Variants in ST3GAL4 observed in about 807,000 individuals in gnomAD.
The protein encoded by ST3GAL4 is CMP-N-acetylneuraminate-beta-galactosamide-alpha-2,3-sialyltransferase 4.
Under a neutral mutation model 42.6 loss-of-function variants are expected in ST3GAL4, and 24 were observed. The observed-to-expected ratio is 0.56, with a 90% confidence interval of 0.41 to 0.79. The LOEUF (loss-of-function observed/expected upper bound fraction) is 0.79. Ranked by LOEUF, ST3GAL4 falls within the 30% of genes least tolerant of loss-of-function variation. The pLI is 0.00. For missense variants in ST3GAL4, 311 were observed against 430.8 expected (o/e 0.72, Z 2.46); for synonymous variants, 135 against 163.2 (o/e 0.83, Z 1.32).
chr11:126,404,592 G>A (rs1954146653), intron 1 of ST3GAL4, among the ~76,000 whole-genome samples: 1 of 152,184 alleles, frequency 6.6e-6, no homozygotes. Flanking sequence ...GTGAGGGGTA[G>A]GTAAGGCACG....
Position 126,413,523 on chromosome 11 carries a change from T to G in ST3GAL4, c.790T>G (p.Leu264Val). Reference protein sequence around the residue: ...KIKQKPTTGLLAITLALHLCD... With the variant: ...KIKQKPTTGLVAITLALHLCD... ...TCCTCAGAAGCCCACCACGGGCCTG[T>G]TGGCCATCACGCTGGCCCTCCACCT... Residue 264 changes from leucine (L) to valine (V), a missense_variant, in exon 10 of 11, where the codon TTG (leucine) becomes GTG (valine). Leu to Val is a conservative substitution (Grantham distance 32). Coordinates refer to ENST00000444328, the MANE Select transcript of ST3GAL4 (RefSeq NM_001254757.2). 6.2e-7 allele frequency: 1 copy of G among 1,614,180 alleles called. No individual in the cohort carries two copies. The highest frequency in any genetic ancestry group is 2.2e-5 in the East Asian group (1 of 44,880).
chr11:126,387,075 G>A (rs1242496746), intron 1 of ST3GAL4, among the ~76,000 whole-genome samples: 5 of 152,200 alleles, frequency 3.3e-5, no homozygotes, highest in Non-Finnish European at 5.9e-5. Flanking sequence ...GACACAAGGA[G>A]GGCAAGTAGG....
intron 1 of ST3GAL4, chr11:126,403,372 G>A (rs1954093428): frequency 1.0e-6 from 1 of 981,954 alleles, no homozygotes; most frequent in African/African-American, 1.7e-5. Flanking sequence ...GACGCCAAAG[G>A]TTTTTCCCTG....
chr11:126,399,019 C>T (rs971856717), intron 1 of ST3GAL4, among the ~76,000 whole-genome samples: 1 of 152,210 alleles, frequency 6.6e-6, no homozygotes, highest in Admixed American at 6.5e-5. Context: ...GTCATCTCTG[C>T]AGTACCTTTG....
At chr11:126,402,935 G>C (rs987453678) in intron 1 of ST3GAL4, among the ~76,000 whole-genome samples, 2 of 152,170 alleles carry the variant, frequency 1.3e-5, no homozygotes, top group African/African-American at 2.4e-5. Context: ...CTGGCCTCTT[G>C]GTGAGAGGCT....
chr11:126,408,584 C>A, intron 8 of ST3GAL4, 88 bp downstream of exon 8: 1 of 1,483,926 alleles, frequency 6.7e-7, no homozygotes, highest in Non-Finnish European at 9.2e-7. Context: ...GTCCGCCTGG[C>A]AGTCCTAAAG....
intron 1 of ST3GAL4, among the ~76,000 whole-genome samples, chr11:126,364,829 A>T (rs1157759466): frequency 1.3e-5 from 2 of 151,342 alleles, no homozygotes; most frequent in Non-Finnish European, 2.9e-5. Flanking sequence ...CCCCCATCAG[A>T]GGGCCTGTGG....
chr11:126,413,164 G>C (rs1476683547), intron 9 of ST3GAL4, among the ~76,000 whole-genome samples: 1 of 152,094 alleles, frequency 6.6e-6, no homozygotes, highest in African/African-American at 2.4e-5. Flanking sequence ...GCTCTTCACA[G>C]GTGCATTCTT....
Position 126,376,330 on chromosome 11 carries a change from G to A in ST3GAL4, c.-61+20488G>A, listed in dbSNP as rs1173821757. Reference sequence around the variant, plus strand: ...TAAAGAGTTTATTTGTGTAAGAAGTGAATTGGGAAACAGAAAACCGAAAGA... The same window carrying A: ...TAAAGAGTTTATTTGTGTAAGAAGTAAATTGGGAAACAGAAAACCGAAAGA... On this transcript the variant is annotated intron_variant, in intron 1 of 10. Coordinates refer to ENST00000444328, the MANE Select transcript of ST3GAL4 (RefSeq NM_001254757.2). This position sits in a 1 kb window ranked among gnomAD's most constrained non-coding sequence, Gnocchi z 5.1. Among the ~76,000 whole-genome samples the A allele has an allele frequency of 6.6e-6, 1 of 152,206 alleles. No homozygotes were observed. The highest frequency in any genetic ancestry group is 1.5e-5 in the Non-Finnish European group (1 of 68,038).
intron 1 of ST3GAL4, among the ~76,000 whole-genome samples, chr11:126,405,008 T>C (rs1021682236): frequency 1.3e-5 from 2 of 152,246 alleles, no homozygotes; most frequent in Non-Finnish European, 2.9e-5. Flanking sequence ...CTTGCCTCCC[T>C]TTCCTGATCA....
Position 126,414,025 on chromosome 11 carries a change from T to C in ST3GAL4, c.980T>C (p.Ile327Thr). 6.2e-7 allele frequency: 1 copy of C among 1,614,244 alleles called. No individual in the cohort carries two copies. The highest frequency in any genetic ancestry group is 2.2e-5 in the East Asian group (1 of 44,878). Residue 327 changes from isoleucine (I) to threonine (T), a missense_variant, in exon 11 of 11, where the codon ATC becomes ACC. Coordinates refer to ENST00000444328, the MANE Select transcript of ST3GAL4 (RefSeq NM_001254757.2). ...AAGCGGATGCTGGAGATGGGAGCTA[T>C]CAAGAACCTCACGTCCTTCTGACCT... is the stretch of plus-strand genomic sequence containing the variant. ...AIKRMLEMGA[I>T]KNLTSF
At chr11:126,380,970 G>T (rs1952978119) in intron 1 of ST3GAL4, among the ~76,000 whole-genome samples, 1 of 152,212 alleles carries the variant, frequency 6.6e-6, no homozygotes. Context: ...GTACATGCGT[G>T]CCTGGAAGTG....
intron 1 of ST3GAL4, among the ~76,000 whole-genome samples, chr11:126,358,863 T>G (rs528803320): frequency 6.6e-6 from 1 of 152,204 alleles, no homozygotes; most frequent in Admixed American, 6.5e-5. Flanking sequence ...TGGGTGCCAC[T>G]GCTGGCCCAG....
At position 126,366,267 on chromosome 11, in the gene ST3GAL4, A is replaced by C. The variant is rs1206212610; in HGVS notation, c.-61+10425A>C. ...CAGCTGCTGTAGCTGAGCCCGGCCC[A>C]CGGCCAGCCCTGAGGAATGGAGGAA... On this transcript the variant is annotated intron_variant, in intron 1 of 10. Coordinates refer to ENST00000444328, the MANE Select transcript of ST3GAL4 (RefSeq NM_001254757.2). This position sits in a 1 kb window ranked among gnomAD's most constrained non-coding sequence, Gnocchi z 4.2. Among the ~76,000 whole-genome samples, 17 of 152,108 alleles carry C rather than the reference A, an allele frequency of 1.1e-4. No individual in the cohort carries two copies. Among genetic ancestry groups the C allele is most frequent in the South Asian group, 2.1e-4 (1 of 4,838 alleles).
rs1356111575 is a variant in ST3GAL4 at position 126,400,355 on chromosome 11, C to T, written c.-60-5741C>T. 6.6e-6 allele frequency among the ~76,000 whole-genome samples: 1 copy of T among 152,222 alleles called. No individual in the cohort carries two copies. Among genetic ancestry groups the T allele is most frequent in the East Asian group, 1.9e-4 (1 of 5,194 alleles). ...CATTAACCCATCCATGAGAGCAGAGCCCCATGATCTAAACACCTTTTATTA... is the reference window on the plus strand; with the variant it reads ...CATTAACCCATCCATGAGAGCAGAGTCCCATGATCTAAACACCTTTTATTA... On this transcript the variant is annotated intron_variant, in intron 1 of 10. Coordinates refer to ENST00000444328, the MANE Select transcript of ST3GAL4 (RefSeq NM_001254757.2). This position sits in a 1 kb window ranked among gnomAD's most constrained non-coding sequence, Gnocchi z 4.6.
intron 1 of ST3GAL4, among the ~76,000 whole-genome samples, chr11:126,405,007 C>T (rs1468906955): frequency 6.6e-6 from 1 of 152,250 alleles, no homozygotes; most frequent in Non-Finnish European, 1.5e-5. Flanking sequence ...GCTTGCCTCC[C>T]TTTCCTGATC....
Position 126,406,335 on chromosome 11 carries a change from C to T in ST3GAL4, c.17-138C>T, listed in dbSNP as rs1278100510. 7 of 1,542,622 alleles carry T rather than the reference C, an allele frequency of 4.5e-6. No individual in the cohort carries two copies. Among genetic ancestry groups the T allele is most frequent in the Non-Finnish European group, 5.2e-6 (6 of 1,143,524 alleles). ...GGTACAATCAGGGTCAAGCCCTCAGCCAGGGCCAGGAGAGGGCCAGAGACT... is the reference window on the plus strand; with the variant it reads ...GGTACAATCAGGGTCAAGCCCTCAGTCAGGGCCAGGAGAGGGCCAGAGACT... On this transcript the variant is annotated intron_variant, in intron 2 of 10. Coordinates refer to ENST00000444328, the MANE Select transcript of ST3GAL4 (RefSeq NM_001254757.2). This position sits in a 1 kb window ranked among gnomAD's most constrained non-coding sequence, Gnocchi z 5.4.
intron 9 of ST3GAL4, 54 bp from the exon 10 acceptor site, chr11:126,413,451 T>A: frequency 6.2e-7 from 1 of 1,601,116 alleles, no homozygotes; most frequent in Non-Finnish European, 8.5e-7. Flanking sequence ...CTGGCAGAGA[T>A]GATGGTGGGA....
At chr11:126,365,538 C>T (rs1474937832) in intron 1 of ST3GAL4, among the ~76,000 whole-genome samples, 1 of 152,170 alleles carries the variant, frequency 6.6e-6, no homozygotes, top group East Asian at 1.9e-4. Flanking sequence ...TGGGTGTGGG[C>T]CATAGCCCAG....
Sources: gnomAD v4.1 joint callset for allele counts (sites outside exome capture counted in the v4.1 genomes callset) on GRCh38, gnomAD v4.1.1 for gene constraint, Gnocchi (gnomAD v3.1) non-coding constraint, MANE v1.5 for transcripts, NCBI Gene and HGNC (gene_info 2026-07-23, HGNC 2026-07-21) for gene names.